The following CHKA variants were observed in gnomAD, a reference collection of about 807,000 sequenced individuals.
The protein encoded by CHKA is choline kinase alpha, also known as CHETK-alpha.
In CHKA, 34 loss-of-function variants were observed where a neutral mutation model predicts 60.1. That is an observed-to-expected ratio of 0.57 (90% CI 0.43 to 0.75). CHKA has a LOEUF of 0.75. Among genes scored for constraint, CHKA ranks in the 30% least tolerant of loss-of-function variants. The pLI is 0.00. For missense variants in CHKA, 563 were observed against 561.3 expected (o/e 1.00, Z -0.03); for synonymous variants, 217 against 223.1 (o/e 0.97, Z 0.24).
intron 2 of CHKA, among the ~76,000 whole-genome samples, chr11:68,088,298 T>C (rs1162310292): frequency 6.6e-6 from 1 of 152,076 alleles, no homozygotes; most frequent in Non-Finnish European, 1.5e-5. Flanking sequence ...TAGGAGGATA[T>C]GGTGCATCAT....
chr11:68,078,922 AT>A lies in CHKA; in HGVS notation c.516+2481del, dbSNP rs201204706. Among the ~76,000 whole-genome samples, 317 of 149,176 alleles carry A rather than the reference AT, an allele frequency of 2.1e-3. 1 individual carries two copies. Among genetic ancestry groups the A allele is most frequent in the African/African-American group, 6.8e-3 (278 of 40,776 alleles). On this transcript the variant is annotated intron_variant, in intron 3 of 11. Coordinates refer to ENST00000265689, the MANE Select transcript of CHKA (RefSeq NM_001277.3). ...CAATTCAGGTCATAGTTCAGTTATT[AT>A]TTTTTTTTTGGAGATATTATTATTA...
intron 2 of CHKA, chr11:68,081,700 T>C (rs1856995035): frequency 2.4e-6 from 1 of 423,544 alleles, no homozygotes; most frequent in Non-Finnish European, 4.3e-6. Context: ...ACCCGATAGC[T>C]GCACGTCTCA....
At chr11:68,070,561 A>G (rs1264656751) in intron 5 of CHKA, among the ~76,000 whole-genome samples, 163 bp downstream of exon 5, 1 of 152,152 alleles carries the variant, frequency 6.6e-6, no homozygotes, top group Non-Finnish European at 1.5e-5. Context: ...ACTTTTACAC[A>G]CAAGAAAGAC....
intron 4 of CHKA, among the ~76,000 whole-genome samples, 190 bp from the exon 5 acceptor site, chr11:68,071,047 G>A (rs1280480655): frequency 2.0e-5 from 3 of 152,188 alleles, no homozygotes; most frequent in African/African-American, 4.8e-5. Flanking sequence ...CATTTCTACA[G>A]TGAGGAGCCG....
intron 2 of CHKA, among the ~76,000 whole-genome samples, chr11:68,088,019 A>G (rs115993669): frequency 0.028 from 4,270 of 149,900 alleles, 72 homozygotes; most frequent in Middle Eastern, 0.11. Context: ...GGACTGAGGC[A>G]TAAGAATCGC....
intron 2 of CHKA, among the ~76,000 whole-genome samples, chr11:68,083,308 GTTAA>G (rs1001555292): frequency 1.5e-4 from 23 of 152,222 alleles, no homozygotes; most frequent in Admixed American, 5.2e-4. Context: ...TGGCTGTGGG[GTTAA>G]TTAGAAATGC....
chr11:68,109,869 T>C (rs1231471059), intron 1 of CHKA, among the ~76,000 whole-genome samples: 1 of 152,068 alleles, frequency 6.6e-6, no homozygotes, highest in African/African-American at 2.4e-5. Context: ...TGAGAATTGC[T>C]TGAATCCAGG....
chr11:68,107,526 G>A (rs1035921448), intron 1 of CHKA, among the ~76,000 whole-genome samples: 1 of 151,774 alleles, frequency 6.6e-6, no homozygotes, highest in Non-Finnish European at 1.5e-5. Flanking sequence ...CGTTTCCAAT[G>A]GCCTGGTCCT....
chr11:68,106,686 C>T (rs1001457646), intron 1 of CHKA, among the ~76,000 whole-genome samples: 4 of 152,120 alleles, frequency 2.6e-5, no homozygotes, highest in Non-Finnish European at 4.4e-5. Context: ...GAAGTTTCTG[C>T]GAAAATTACA....
chr11:68,065,964 A>C, intron 8 of CHKA, 70 bp from the exon 9 acceptor site: 2 of 1,135,396 alleles, frequency 1.8e-6, no homozygotes, highest in South Asian at 2.6e-5. Context: ...TGACTGCAGA[A>C]GAAAGAAAGG....
At chr11:68,113,504 T>C (rs903469975) in intron 1 of CHKA, among the ~76,000 whole-genome samples, 10 of 150,324 alleles carry the variant, frequency 6.7e-5, no homozygotes, top group Non-Finnish European at 1.5e-5. Flanking sequence ...CAGACCAGCC[T>C]GTCCAACACA....
At chr11:68,075,690 C>T (rs1263856385) in intron 3 of CHKA, among the ~76,000 whole-genome samples, 3 of 152,098 alleles carry the variant, frequency 2.0e-5, no homozygotes, top group Non-Finnish European at 2.9e-5. Context: ...AATCCCAACA[C>T]TTTGGGAGGC....
chr11:68,114,711 A>G (rs974763881), intron 1 of CHKA, among the ~76,000 whole-genome samples: 25 of 151,984 alleles, frequency 1.6e-4, no homozygotes, highest in South Asian at 4.1e-4. Context: ...AAAAAAAAAA[A>G]AAGAAGAAGA....
At chr11:68,069,086 G>A (rs889757929) in intron 6 of CHKA, 149 bp from the exon 7 acceptor site, 16 of 610,520 alleles carry the variant, frequency 2.6e-5, no homozygotes, top group African/African-American at 2.2e-4. Context: ...TGACAACTGC[G>A]TCATTACGTG....
intron 1 of CHKA, among the ~76,000 whole-genome samples, chr11:68,106,686 C>A (rs1001457646): frequency 2.0e-5 from 3 of 152,120 alleles, no homozygotes; most frequent in African/African-American, 7.2e-5. Flanking sequence ...GAAGTTTCTG[C>A]GAAAATTACA....
chr11:68,103,339 G>A (rs914261897), intron 1 of CHKA, among the ~76,000 whole-genome samples: 1 of 151,972 alleles, frequency 6.6e-6, no homozygotes, highest in Non-Finnish European at 1.5e-5. Context: ...CTGGGTGACG[G>A]AGCAAGACCC....
At chr11:68,100,302 G>A (rs892016639) in intron 1 of CHKA, among the ~76,000 whole-genome samples, 1 of 152,168 alleles carries the variant, frequency 6.6e-6, no homozygotes. Context: ...AGATATGAGA[G>A]GCATGGGCTG....
At chr11:68,074,117 A>T (rs1856709341) in intron 4 of CHKA, among the ~76,000 whole-genome samples, 1 of 152,238 alleles carries the variant, frequency 6.6e-6, no homozygotes, top group Non-Finnish European at 1.5e-5. Flanking sequence ...TAACTCTAAG[A>T]CATGGTATAC....
chr11:68,091,000 T>G (rs1857332775), intron 2 of CHKA, among the ~76,000 whole-genome samples: 1 of 152,226 alleles, frequency 6.6e-6, no homozygotes, highest in Admixed American at 6.5e-5. Context: ...TCTTCCACAA[T>G]TCATGATAAA....
Sources: allele counts gnomAD v4.1 joint callset (sites outside exome capture counted in the v4.1 genomes callset), GRCh38; gene constraint gnomAD v4.1.1; transcripts MANE v1.5; gene names NCBI Gene and HGNC (gene_info 2026-07-23, HGNC 2026-07-21).